The following CRLF3 variants were observed in gnomAD, a reference collection of about 807,000 sequenced individuals.
CRLF3 encodes the protein cytokine receptor-like factor 3.
Under a neutral mutation model 55.0 loss-of-function variants are expected in CRLF3, and 33 were observed. The ratio of observed to expected loss-of-function variants is 0.60; its 90% CI spans 0.46 to 0.80. The LOEUF is 0.80. CRLF3 is among the 30% of genes least tolerant of loss of function. The pLI is 0.00. For missense variants in CRLF3, 494 were observed against 538.4 expected, an observed-to-expected ratio of 0.92 and a Z score of 0.82; for synonymous variants, 238 against 196.8, an observed-to-expected ratio of 1.21 and a Z score of -1.75.
intron 1 of CRLF3, among the ~76,000 whole-genome samples, chr17:30,808,507 C>T (rs1194809940): frequency 1.3e-5 from 2 of 151,788 alleles, no homozygotes; most frequent in East Asian, 1.9e-4. Context: ...AGGCTGGTCT[C>T]GAACTCCTGA....
intron 1 of CRLF3, among the ~76,000 whole-genome samples, chr17:30,807,517 CTTTTTTTTTTTTTTTT>C (rs778842582): frequency 2.2e-4 from 14 of 62,968 alleles, no homozygotes; most frequent in South Asian, 5.2e-4. Flanking sequence ...ATTTTCTTTC[CTTTTTTTTTTTTTTTT>C]TTTTTTTTTT....
chr17:30,805,470 T>G (rs1904368160), intron 1 of CRLF3, among the ~76,000 whole-genome samples: 1 of 151,882 alleles, frequency 6.6e-6, no homozygotes, highest in Admixed American at 6.6e-5. Context: ...ATCCCAGCAC[T>G]TGGGAGGCCG....
At chr17:30,815,413 G>A (rs1371653970) in intron 1 of CRLF3, among the ~76,000 whole-genome samples, 1 of 151,422 alleles carries the variant, frequency 6.6e-6, no homozygotes, top group Non-Finnish European at 1.5e-5. Flanking sequence ...GTAGAGATGG[G>A]GTTTCACCAT....
chr17:30,795,767 C>G (rs976688903), intron 4 of CRLF3, among the ~76,000 whole-genome samples: 1 of 151,962 alleles, frequency 6.6e-6, no homozygotes, highest in Non-Finnish European at 1.5e-5. Context: ...GAAACCTCGT[C>G]TCTACAAAAA....
At chr17:30,789,235 G>C (rs1345267033) in intron 6 of CRLF3, among the ~76,000 whole-genome samples, 2 of 152,174 alleles carry the variant, frequency 1.3e-5, no homozygotes, top group Admixed American at 6.5e-5. Flanking sequence ...AGATGCAAGA[G>C]AGACTCAACA....
chr17:30,809,018 G>A (rs920917068), intron 1 of CRLF3, among the ~76,000 whole-genome samples: 3 of 152,224 alleles, frequency 2.0e-5, no homozygotes, highest in Non-Finnish European at 4.4e-5. Context: ...TTCTGCAGTT[G>A]AGCACTGTGC....
intron 2 of CRLF3, among the ~76,000 whole-genome samples, chr17:30,802,853 T>C (rs1476960171): frequency 6.6e-6 from 1 of 152,100 alleles, no homozygotes; most frequent in Admixed American, 6.6e-5. Context: ...AATCACATTT[T>C]TTTAAACTTT....
chr17:30,789,600 C>T (rs927688100), intron 6 of CRLF3, among the ~76,000 whole-genome samples: 2 of 152,178 alleles, frequency 1.3e-5, no homozygotes, highest in African/African-American at 4.8e-5. Flanking sequence ...CTAGTTTTGG[C>T]ATTTACTAGC....
chr17:30,805,100 T>C (rs1457888757), intron 1 of CRLF3, among the ~76,000 whole-genome samples: 1 of 151,996 alleles, frequency 6.6e-6, no homozygotes, highest in Admixed American at 6.6e-5. Flanking sequence ...GGAGAATTGC[T>C]TGAACCTGGG....
chr17:30,788,486 C>G (rs1030687883), intron 6 of CRLF3, among the ~76,000 whole-genome samples: 2 of 151,390 alleles, frequency 1.3e-5, no homozygotes, highest in African/African-American at 4.9e-5. Context: ...GAGAGTGGGT[C>G]TAGAGACTGT....
intron 6 of CRLF3, among the ~76,000 whole-genome samples, chr17:30,787,036 T>C (rs976043604): frequency 6.6e-6 from 1 of 152,156 alleles, no homozygotes; most frequent in African/African-American, 2.4e-5. Context: ...GGTTTCACCA[T>C]GTTGCTCAGG....
At chr17:30,810,035 T>C (rs2059018361) in intron 1 of CRLF3, 2 of 152,304 alleles carry the variant, frequency 1.3e-5, no homozygotes, top group South Asian at 4.1e-4. Context: ...ACACGTAGTA[T>C]TTCCTGTCCC....
intron 1 of CRLF3, among the ~76,000 whole-genome samples, chr17:30,817,876 A>T (rs1316701738): frequency 6.8e-6 from 1 of 147,820 alleles, no homozygotes; most frequent in African/African-American, 2.5e-5. Flanking sequence ...ACTGCACTCC[A>T]GCATGGCGAC....
intron 4 of CRLF3, among the ~76,000 whole-genome samples, chr17:30,795,711 G>C (rs935809977): frequency 6.6e-6 from 1 of 151,908 alleles, no homozygotes; most frequent in Admixed American, 6.6e-5. Flanking sequence ...CGAGGCGAGT[G>C]GGTCACCTGA....
intron 6 of CRLF3, among the ~76,000 whole-genome samples, chr17:30,789,679 A>G (rs908201465): frequency 3.9e-5 from 6 of 152,298 alleles, no homozygotes; most frequent in Middle Eastern, 3.4e-3. Context: ...TAACCCATCT[A>G]TCTCACTGGG....
chr17:30,823,675 C>A (rs1361640655), intron 1 of CRLF3, among the ~76,000 whole-genome samples: 1 of 151,948 alleles, frequency 6.6e-6, no homozygotes, highest in Non-Finnish European at 1.5e-5. Flanking sequence ...CGGGTTATAT[C>A]TTTTTCTATA....
intron 2 of CRLF3, among the ~76,000 whole-genome samples, chr17:30,798,426 C>T (rs1971957255): frequency 6.6e-6 from 1 of 151,832 alleles, no homozygotes; most frequent in African/African-American, 2.4e-5. Context: ...TGAAAATGAC[C>T]AACTTCTATG....
intron 1 of CRLF3, among the ~76,000 whole-genome samples, chr17:30,808,277 A>T (rs28551489): frequency 0.013 from 732 of 54,902 alleles, 31 homozygotes; most frequent in African/African-American, 0.044. Context: ...TAGAACCTAT[A>T]TTTTTTTTTT....
intron 1 of CRLF3, among the ~76,000 whole-genome samples, chr17:30,805,126 G>T (rs9915546): frequency 0.14 from 20,643 of 151,860 alleles, 1,499 homozygotes; most frequent in South Asian, 0.25. Flanking sequence ...GAGGTTGCAG[G>T]GATCCAAGAT....
Sources: gnomAD v4.1 joint callset for allele counts (sites outside exome capture counted in the v4.1 genomes callset) on GRCh38, gnomAD v4.1.1 for gene constraint, MANE v1.5 for transcripts, NCBI Gene and HGNC (gene_info 2026-07-23, HGNC 2026-07-21) for gene names.